Variants in NEBL observed in about 807,000 individuals in gnomAD.
NEBL encodes the protein nebulette.
NEBL carries 122 observed loss-of-function variants against 140.2 expected under a neutral mutation model. That is an observed-to-expected ratio of 0.87 (90% CI 0.75 to 1.01). The LOEUF (loss-of-function observed/expected upper bound fraction) is 1.01, where lower values mean the gene tolerates loss of function less well. Among genes scored for constraint, NEBL ranks in the 50% least tolerant of loss-of-function variants. The pLI is 0.00. For synonymous variants in NEBL, 436 were observed against 398.9 expected (o/e 1.09, Z -1.11); for missense variants, 1,365 against 1,231.3 (o/e 1.11, Z -1.62).
At position 21,082,535 on chromosome 10, in the gene NEBL, T is replaced by TAAAAAAAAAAAAAAAAAAA. The variant is rs61234594; in HGVS notation, c.165-62353_165-62335dup. The stretch of plus-strand genomic sequence containing the variant: ...AGTTTGAAGTGTTCCCCACCACCAC[T>TAAAAAAAAAAAAAAAAAAA]AAAAAAAAAAAAAAAAAAAAAAAAA... On this transcript the variant is annotated intron_variant, in intron 2 of 6. Coordinates refer to the NEBL transcript ENST00000417816. Among the ~76,000 whole-genome samples, 38 of 117,282 alleles carry TAAAAAAAAAAAAAAAAAAA rather than the reference T, an allele frequency of 3.2e-4. 2 individuals carry two copies. Among genetic ancestry groups the TAAAAAAAAAAAAAAAAAAA allele is most frequent in the African/African-American group, 1.3e-3 (32 of 25,262 alleles). The allele number at this position is 117,282 out of a possible 152,430, so 76.9% of individuals were successfully genotyped here. A position where few individuals can be genotyped will look rare whatever the true frequency, so the allele number is the denominator to read the frequency against.
chr10:20,845,387 T>A lies in NEBL; in HGVS notation c.1117-19A>T. 1 of 1,419,862 alleles carries A rather than the reference T, an allele frequency of 7.0e-7. No individual in the cohort carries two copies. The highest frequency in any genetic ancestry group is 1.0e-6 in the Non-Finnish European group (1 of 1,004,214). The allele number at this position is 1,419,862 out of a possible 1,614,324, so 88.0% of individuals were successfully genotyped here. A position where few individuals can be genotyped will look rare whatever the true frequency, so the allele number is the denominator to read the frequency against. ...AAACTTTCTGTTAAATAAGACCACATAATTTTAAAGTTAGCAAATATCAGT... is the reference window on the plus strand; with the variant it reads ...AAACTTTCTGTTAAATAAGACCACAAAATTTTAAAGTTAGCAAATATCAGT... On this transcript the variant is annotated intron_variant, in intron 11 of 27. Transcript: ENST00000377122.
At chr10:20,926,690 G>A (rs1833929029) in intron 4 of NEBL, among the ~76,000 whole-genome samples, 1 of 152,192 alleles carries the variant, frequency 6.6e-6, no homozygotes, top group South Asian at 2.1e-4. Flanking sequence ...GGGTGCAGGG[G>A]GAGAGTGTGT....
At chr10:21,131,738 G>T (rs1252905123) in intron 2 of NEBL, among the ~76,000 whole-genome samples, 1 of 123,862 alleles carries the variant, frequency 8.1e-6, no homozygotes. Flanking sequence ...CGCTGAACTA[G>T]TTATTTCCTC....
chr10:20,941,261 G>A (rs200226086), intron 4 of NEBL, among the ~76,000 whole-genome samples: 1 of 152,186 alleles, frequency 6.6e-6, no homozygotes, highest in Non-Finnish European at 1.5e-5. Context: ...CTTCATCCCT[G>A]GGATGCAAGG....
intron 2 of NEBL, among the ~76,000 whole-genome samples, chr10:21,085,699 T>A (rs1836592952): frequency 6.6e-6 from 1 of 152,154 alleles, no homozygotes; most frequent in African/African-American, 2.4e-5. Context: ...AATTAATACA[T>A]TAAAGCAATT....
intron 3 of NEBL, among the ~76,000 whole-genome samples, chr10:20,979,882 T>A (rs182912961): frequency 2.0e-5 from 3 of 152,022 alleles, no homozygotes; most frequent in Admixed American, 1.3e-4. Flanking sequence ...AATTTTTAAA[T>A]AAAATTTTAA....
At chr10:21,134,564 C>T (rs1430907244) in intron 2 of NEBL, among the ~76,000 whole-genome samples, 1 of 152,172 alleles carries the variant, frequency 6.6e-6, no homozygotes, top group Non-Finnish European at 1.5e-5. Context: ...CTACCTTTTA[C>T]ACGGTCGATC....
At chr10:21,156,975 T>G (rs1840359827) in intron 2 of NEBL, among the ~76,000 whole-genome samples, 1 of 152,208 alleles carries the variant, frequency 6.6e-6, no homozygotes, top group Non-Finnish European at 1.5e-5. Context: ...ATTCATTTCC[T>G]TATGAATATT....
At chr10:21,097,146 T>C (rs1837225334) in intron 2 of NEBL, among the ~76,000 whole-genome samples, 1 of 147,356 alleles carries the variant, frequency 6.8e-6, no homozygotes, top group Admixed American at 7.2e-5. Context: ...ATTGCCTCTT[T>C]GCAAATAAAA....
chr10:21,259,512 C>A (rs1011817037), intron 1 of NEBL, among the ~76,000 whole-genome samples: 3 of 151,742 alleles, frequency 2.0e-5, no homozygotes, highest in Non-Finnish European at 2.9e-5. Flanking sequence ...CCTTTCCCAC[C>A]CTCAAAAGAT....
intron 11 of NEBL, among the ~76,000 whole-genome samples, chr10:20,849,547 T>C (rs939281650): frequency 6.6e-6 from 1 of 152,136 alleles, no homozygotes; most frequent in Non-Finnish European, 1.5e-5. Flanking sequence ...GGGTTCCTGA[T>C]AAAAGGATGA....
At chr10:20,844,602 G>A (rs1841729924) in intron 12 of NEBL, among the ~76,000 whole-genome samples, 1 of 151,040 alleles carries the variant, frequency 6.6e-6, no homozygotes, top group Admixed American at 6.6e-5. Flanking sequence ...TATATTACTT[G>A]TGAGCAAAAA....
chr10:20,898,907 G>A (rs1211372220), upstream of NEBL, among the ~76,000 whole-genome samples: 1 of 152,124 alleles, frequency 6.6e-6, no homozygotes, highest in African/African-American at 2.4e-5. Flanking sequence ...AAAATGTTGT[G>A]TTCTAGAAGG....
Position 20,889,923 on chromosome 10 carries a change from C to A in NEBL, c.180G>T (p.Lys60Asn). 1 of 1,607,192 alleles carries A rather than the reference C, an allele frequency of 6.2e-7. No individual in the cohort carries two copies. Among genetic ancestry groups the A allele is most frequent in the East Asian group, 2.2e-5 (1 of 44,788 alleles). ...TCACAAATGTACACTTATCCTTGGACTTTTTAAACTCTTCTTTATAACGGA... is the reference window on the plus strand; with the variant it reads ...TCACAAATGTACACTTATCCTTGGAATTTTTAAACTCTTCTTTATAACGGA... ...SDIRYKEEFK[K>N]SKDKCTFVTD... Residue 60 changes from lysine to asparagine, a missense_variant, in exon 3 of 28, where the codon AAG becomes AAT. Transcript: ENST00000377122.
chr10:20,991,761 T>TCCCTCCCC (rs1837465681), intron 3 of NEBL, among the ~76,000 whole-genome samples: 1 of 44,854 alleles, frequency 2.2e-5, no homozygotes, highest in African/African-American at 8.4e-5. Flanking sequence ...GCTCCCTCCC[T>TCCCTCCCC]CCCTCCCCCC....
At chr10:21,165,737 A>G (rs946184163) in intron 2 of NEBL, among the ~76,000 whole-genome samples, 1 of 152,210 alleles carries the variant, frequency 6.6e-6, no homozygotes, top group South Asian at 2.1e-4. Context: ...GTGGGCTCTT[A>G]CTGCTGAGCT....
At chr10:20,891,799 G>A (rs1247922190) in intron 2 of NEBL, among the ~76,000 whole-genome samples, 4 of 152,026 alleles carry the variant, frequency 2.6e-5, no homozygotes, top group Non-Finnish European at 4.4e-5. Context: ...TGTACAATTT[G>A]TTAGAAGTCA....
At chr10:20,886,401 C>A (rs577426395) in intron 4 of NEBL, among the ~76,000 whole-genome samples, 1 of 151,646 alleles carries the variant, frequency 6.6e-6, no homozygotes, top group African/African-American at 2.4e-5. Flanking sequence ...TGGTGGTGTG[C>A]GCCTGTAATG....
At chr10:21,110,806 A>G in intron 2 of NEBL, 2 of 592,214 alleles carry the variant, frequency 3.4e-6, no homozygotes, top group South Asian at 1.4e-5. Flanking sequence ...CAGGTTAGGG[A>G]CTCATGCAAA....
Sources: gnomAD v4.1 joint callset for allele counts (sites outside exome capture counted in the v4.1 genomes callset) on GRCh38, gnomAD v4.1.1 for gene constraint, MANE v1.5 for transcripts, NCBI Gene and HGNC (gene_info 2026-07-23, HGNC 2026-07-21) for gene names.